MAML2: variants seen among roughly 807,000 people sequenced by gnomAD.
MAML2 encodes the protein mastermind-like protein 2.
MAML2 carries 22 observed loss-of-function variants against 96.1 expected under a neutral mutation model. The observed-to-expected ratio is 0.23, with a 90% CI of 0.16 to 0.33. The LOEUF (loss-of-function observed/expected upper bound fraction) is 0.33. Ranked by LOEUF, MAML2 falls within the 10% of genes least tolerant of loss-of-function variation. The pLI is 1.00. For missense variants in MAML2, 1,367 were observed against 1,392.4 expected, an observed-to-expected ratio of 0.98 and a Z score of 0.29; for synonymous variants, 561 against 521.3, an observed-to-expected ratio of 1.08 and a Z score of -1.04.
intron 2 of MAML2, among the ~76,000 whole-genome samples, chr11:96,060,013 G>A (rs754751174): frequency 6.6e-6 from 1 of 152,186 alleles, no homozygotes; most frequent in African/African-American, 2.4e-5. Context: ...AGGCGAAGAT[G>A]TTCAATAAGC....
chr11:95,987,006 G>T (rs145294656), intron 3 of MAML2, among the ~76,000 whole-genome samples: 89 of 152,292 alleles, frequency 5.8e-4, no homozygotes, highest in African/African-American at 2.0e-3. Context: ...ACATCATGAG[G>T]GGTCACAGGG....
chr11:95,989,230 C>A (rs1203153910), intron 3 of MAML2, among the ~76,000 whole-genome samples: 1 of 152,224 alleles, frequency 6.6e-6, no homozygotes, highest in Non-Finnish European at 1.5e-5. Flanking sequence ...AAAGCATATG[C>A]TAATGTACAG....
intron 1 of MAML2, among the ~76,000 whole-genome samples, chr11:96,229,670 A>G (rs1862263488): frequency 6.6e-6 from 1 of 151,862 alleles, no homozygotes; most frequent in Non-Finnish European, 1.5e-5. Flanking sequence ...TCAAACCAAC[A>G]GAGAATAAAA....
At chr11:96,239,566 T>A (rs1862405217) in intron 1 of MAML2, among the ~76,000 whole-genome samples, 1 of 20,080 alleles carries the variant, frequency 5.0e-5, no homozygotes, top group Non-Finnish European at 9.5e-5. Context: ...AATTGATGTA[T>A]CTTGAGTTTA....
intron 3 of MAML2, 105 bp from the exon 4 acceptor site, chr11:95,985,747 G>A: frequency 3.0e-6 from 2 of 676,980 alleles, no homozygotes; most frequent in Non-Finnish European, 5.0e-6. Flanking sequence ...GAACAATTTT[G>A]CAATCATGGG....
intron 2 of MAML2, among the ~76,000 whole-genome samples, chr11:96,039,822 G>C (rs1023406540): frequency 4.0e-5 from 6 of 151,868 alleles, no homozygotes; most frequent in African/African-American, 1.4e-4. Context: ...GCCGGGCGTA[G>C]TGGCGGGTGC....
rs184058272 is a variant in MAML2 at position 96,064,132 on chromosome 11, C to T, written c.2139+27760G>A. 8.5e-5 allele frequency among the ~76,000 whole-genome samples: 13 copies of T among 152,226 alleles called. No individual in the cohort carries two copies. In the East Asian group the frequency reaches 1.7e-3, roughly 20 times the overall value. On this transcript the variant is annotated intron_variant, in intron 2 of 4. Transcript: ENST00000524717. Reference sequence around the variant, plus strand: ...AGGTTAGTACCAAGGCTCCTAAGCACGGCAATATTTACCCTACAAATTACG... The same window carrying T: ...AGGTTAGTACCAAGGCTCCTAAGCATGGCAATATTTACCCTACAAATTACG...
intron 1 of MAML2, among the ~76,000 whole-genome samples, chr11:96,109,337 G>A (rs1291011662): frequency 6.6e-6 from 1 of 152,154 alleles, no homozygotes; most frequent in Non-Finnish European, 1.5e-5. Flanking sequence ...TCGTGGGTAG[G>A]CATTAGTGGA....
rs779436918 is a variant in MAML2, at chr11:96,025,593, G to A, written c.2140-33870C>T. On this transcript the variant is annotated intron_variant, in intron 2 of 4. Transcript: ENST00000524717. ...ATTTGAGATGGAGTCTCGCTCTGTC[G>A]CCCAGGCTGGAGTGCAATGGCACAA... 8.0e-4 allele frequency among the ~76,000 whole-genome samples: 122 copies of A among 152,088 alleles called. 1 individual carries two copies. Among genetic ancestry groups the A allele is most frequent in the Non-Finnish European group, 1.0e-3 (69 of 68,022 alleles).
intron 2 of MAML2, among the ~76,000 whole-genome samples, chr11:96,036,718 C>T (rs1858718693): frequency 1.3e-5 from 2 of 152,082 alleles, no homozygotes; most frequent in South Asian, 4.1e-4. Flanking sequence ...GTAAAAATAA[C>T]TCCGGGGCTG....
chr11:96,180,498 GCTGA>G (rs1471049162), intron 1 of MAML2, among the ~76,000 whole-genome samples: 3 of 152,166 alleles, frequency 2.0e-5, no homozygotes, highest in Non-Finnish European at 4.4e-5. Context: ...AGGTGTTCTG[GCTGA>G]CTGCTCAAGT....
At chr11:96,073,996 C>T (rs531715042) in intron 2 of MAML2, among the ~76,000 whole-genome samples, 30 of 152,158 alleles carry the variant, frequency 2.0e-4, no homozygotes, top group Non-Finnish European at 4.4e-4. Flanking sequence ...AGGACCATCG[C>T]TTACTCTGAG....
chr11:96,276,388 C>T (rs1035557605), intron 1 of MAML2, among the ~76,000 whole-genome samples: 10 of 152,146 alleles, frequency 6.6e-5, no homozygotes, highest in Non-Finnish European at 1.2e-4. Context: ...ACAGGAAGAA[C>T]AATTTCTTAT....
chr11:96,198,811 A>C (rs1008283848), intron 1 of MAML2, among the ~76,000 whole-genome samples: 1 of 152,026 alleles, frequency 6.6e-6, no homozygotes, highest in Non-Finnish European at 1.5e-5. Context: ...TAAGGGCTAC[A>C]TTTTCCAGCC....
chr11:95,992,098 G>A (rs768308312), intron 2 of MAML2, among the ~76,000 whole-genome samples: 6 of 152,172 alleles, frequency 3.9e-5, no homozygotes, highest in Admixed American at 6.5e-5. Flanking sequence ...CCCAAAGTTA[G>A]CATGTATCAT....
intron 2 of MAML2, among the ~76,000 whole-genome samples, chr11:96,073,469 C>T (rs1026238673): frequency 8.5e-4 from 129 of 152,004 alleles, no homozygotes; most frequent in African/African-American, 2.9e-3. Flanking sequence ...TACAGGCGCC[C>T]GCCACCATGC....
chr11:96,319,710 C>CA lies in MAML2; in HGVS notation c.513+21672dup, dbSNP rs568360262. ...GTGGAGGAGGAGTATACATCTCCCC[C>CA]AAAGGAGAGAGGAGATATTCTTGTG... is the stretch of plus-strand genomic sequence containing the variant. On this transcript the variant is annotated intron_variant, in intron 1 of 4. Transcript: ENST00000524717. 1.3e-4 allele frequency among the ~76,000 whole-genome samples: 20 copies of CA among 152,208 alleles called. No individual in the cohort carries two copies. The East Asian group carries it at 3.9e-3, about 29-fold the overall frequency.
At chr11:96,224,603 T>C (rs1429088179) in intron 1 of MAML2, among the ~76,000 whole-genome samples, 1 of 152,222 alleles carries the variant, frequency 6.6e-6, no homozygotes, top group Admixed American at 6.5e-5. Flanking sequence ...CAAAACTCAA[T>C]ACAGTGAGCT....
In MAML2 at chr11:96,343,054, G is replaced by A; in HGVS notation, c.-1159C>T. The A allele has an allele frequency of 2.5e-6, 1 of 393,920 alleles. No individual in the cohort carries two copies. Among genetic ancestry groups the A allele is most frequent in the Non-Finnish European group, 4.5e-6 (1 of 223,450 alleles). The allele number at this position is 393,920 out of a possible 1,614,324, so 24.4% of individuals were successfully genotyped here. A position where few individuals can be genotyped will look rare whatever the true frequency, so the allele number is the denominator to read the frequency against. On this transcript the variant is annotated 5_prime_UTR_variant, in exon 1 of 5. Coordinates refer to ENST00000524717, the MANE Select transcript of MAML2 (RefSeq NM_032427.4). ...CTGTATTTGCTCCGCTTTATAGATG[G>A]AAAAAAAAAGTAGCTTGTATTTTCC...
Sources: allele counts gnomAD v4.1 joint callset (sites outside exome capture counted in the v4.1 genomes callset), GRCh38; gene constraint gnomAD v4.1.1; transcripts MANE v1.5; gene names NCBI Gene and HGNC (gene_info 2026-07-23, HGNC 2026-07-21).